The following TMEM259 variants were observed in gnomAD, a reference collection of about 807,000 sequenced individuals.
The protein encoded by TMEM259 is transmembrane protein 259.
A neutral mutation model predicts 46.7 loss-of-function variants in TMEM259; 26 were observed. The ratio of observed to expected loss-of-function variants is 0.56; its 90% CI spans 0.41 to 0.77. The LOEUF is 0.77. Ranked by LOEUF, TMEM259 falls within the 30% of genes least tolerant of loss-of-function variation. The pLI is 0.00. For synonymous variants in TMEM259, 494 were observed against 395.1 expected, an observed-to-expected ratio of 1.25 and a Z score of -2.97; for missense variants, 930 against 900.5, an observed-to-expected ratio of 1.03 and a Z score of -0.42.
Position 1,010,689 on chromosome 19 carries a change from C to T in TMEM259, c.1524G>A (p.Gly508=). Residue 508 remains glycine, a synonymous_variant, in exon 11 of 11, where the codon GGG becomes GGA. Coordinates refer to ENST00000356663, the MANE Select transcript of TMEM259 (RefSeq NM_001033026.2). ...QPPALGPVSP[G]ASGSPGPVAA... is the part of the protein sequence containing the mutation. Reference sequence around the variant, plus strand: ...CCACAGGCCCGGGACTCCCGCTGGCCCCAGGCGAGACGGGGCCCAGGGCGG... The same window carrying T: ...CCACAGGCCCGGGACTCCCGCTGGCTCCAGGCGAGACGGGGCCCAGGGCGG... 1 of 1,531,772 alleles carries T rather than the reference C, an allele frequency of 6.5e-7. No individual in the cohort carries two copies. The highest frequency in any genetic ancestry group is 8.7e-7 in the Non-Finnish European group (1 of 1,144,894). The allele number at this position is 1,531,772 out of a possible 1,614,324, so 94.9% of individuals were successfully genotyped here.
At chr19:1,018,542 A>G (rs2240167) in intron 1 of TMEM259, among the ~76,000 whole-genome samples, 108,786 of 152,154 alleles carry the variant, frequency 0.71, 39,841 homozygotes, top group African/African-American at 0.89. Context: ...GAAGCCAGGC[A>G]GGCAGGAAGC....
chr19:1,018,568 A>G (rs571973854), intron 1 of TMEM259, among the ~76,000 whole-genome samples: 23 of 152,330 alleles, frequency 1.5e-4, no homozygotes, highest in African/African-American at 5.5e-4. Context: ...AGCCTTCTGG[A>G]ACTCAAGGCA....
At chr19:1,014,167 G>A (rs2039030992) in intron 2 of TMEM259, 25 bp downstream of exon 2, 1 of 1,593,392 alleles carries the variant, frequency 6.3e-7, no homozygotes. Context: ...GGCCTCTGCT[G>A]CAGCTGAGCC....
chr19:1,010,791 G>T lies in TMEM259; in HGVS notation c.1422C>A (p.Thr474=), dbSNP rs1023696312. The change falls in exon 11 of 11, where the codon ACC becomes ACA. Residue 474 remains threonine, a synonymous_variant. Transcript: ENST00000356663. ...LLQAPPLGPG[T]PTALPDDMNN... is the part of the protein sequence containing the mutation. ...TCATGTCATCGGGCAGCGCCGTGGGGGTCCCGGGGCCCAGTGGCGGCGCCT... is the reference window on the plus strand; with the variant it reads ...TCATGTCATCGGGCAGCGCCGTGGGTGTCCCGGGGCCCAGTGGCGGCGCCT... The T allele has an allele frequency of 1.3e-6, 2 of 1,569,004 alleles. No homozygotes were observed. Among genetic ancestry groups the T allele is most frequent in the Non-Finnish European group, 1.7e-6 (2 of 1,166,354 alleles).
In TMEM259 at chr19:1,014,340, C is replaced by T; in HGVS notation, c.359G>A (p.Ser120Asn). The change falls in exon 2 of 11, where the codon AGC (serine) becomes AAC (asparagine). Residue 120 changes from serine to asparagine, a missense_variant. Ser to Asn is a conservative substitution (Grantham distance 46, BLOSUM62 1). Transcript: ENST00000356663. The stretch of plus-strand genomic sequence containing the variant: ...GAACTGTAGGAAGACGGGCGCGCGG[C>T]TCGAGTTGTGCCGCACTTCCACACG... ...ILRVEVRHNS[S>N]RAPVFLQFCD... The T allele has an allele frequency of 1.2e-6, 2 of 1,613,030 alleles. No individual in the cohort carries two copies. Among genetic ancestry groups the T allele is most frequent in the Non-Finnish European group, 1.7e-6 (2 of 1,179,938 alleles).
At position 1,015,315 on chromosome 19, in the gene TMEM259, G is replaced by T. The variant is rs573852276; in HGVS notation, c.226-842C>A. On this transcript the variant is annotated intron_variant, in intron 1 of 10. Coordinates refer to ENST00000356663, the MANE Select transcript of TMEM259 (RefSeq NM_001033026.2). ...GGACATCTGTGGTTGTCACAATTGG[G>T]GGAGCTCCTGGCATGGAGTGGGTGA... Among the ~76,000 whole-genome samples, 9 of 152,310 alleles carry T rather than the reference G, an allele frequency of 5.9e-5. 1 individual carries two copies. In the South Asian group the frequency reaches 1.9e-3, roughly 32 times the overall value.
chr19:1,011,278 C>T, intron 9 of TMEM259, 83 bp from the exon 10 acceptor site: 2 of 1,537,008 alleles, frequency 1.3e-6, no homozygotes. Flanking sequence ...GGCGCAGCCA[C>T]CACCCCCGCC....
At chr19:1,018,838 A>C (rs1032285135) in intron 1 of TMEM259, among the ~76,000 whole-genome samples, 1 of 152,166 alleles carries the variant, frequency 6.6e-6, no homozygotes, top group East Asian at 1.9e-4. Context: ...AGACAAAAAA[A>C]TTAGCCGGTT....
intron 9 of TMEM259, 22 bp from the exon 10 acceptor site, chr19:1,011,217 T>C (rs1367466905): frequency 3.8e-6 from 6 of 1,560,726 alleles, no homozygotes; most frequent in Non-Finnish European, 5.2e-6. Context: ...GGTGAGGGCG[T>C]CGGGGCTGCA....
At chr19:1,014,555 G>C (rs1300136242) in intron 1 of TMEM259, 82 bp from the exon 2 acceptor site, 2 of 1,437,248 alleles carry the variant, frequency 1.4e-6, no homozygotes, top group South Asian at 2.6e-5. Context: ...GGGGCGTGAT[G>C]GGGCGCGCTG....
rs2038868618 is a variant in TMEM259 at position 1,010,516 on chromosome 19, G to C, written c.1697C>G (p.Pro566Arg). Residue 566 changes from proline to arginine, a missense_variant, in exon 11 of 11, where the codon CCA becomes CGA. Physicochemically the swap from Pro to Arg is moderately radical, Grantham distance 103. Transcript: ENST00000356663. ...GLSASLLERRPASPLGPAGGL... is the reference protein window; with the variant it reads ...GLSASLLERRRASPLGPAGGL... Reference sequence around the variant, plus strand: ...CCCAGCAGGGCCCAGCGGGCTGGCTGGACGCCGCTCCAGGAGGGAGGCGCT... The same window carrying C: ...CCCAGCAGGGCCCAGCGGGCTGGCTCGACGCCGCTCCAGGAGGGAGGCGCT... 6.5e-7 allele frequency: 1 copy of C among 1,547,654 alleles called. No homozygotes were observed. The highest frequency in any genetic ancestry group is 8.7e-7 in the Non-Finnish European group (1 of 1,146,526).
Position 1,020,856 on chromosome 19 carries a change from CG to C in TMEM259, c.140del (p.Ala47GlyfsTer112). On this transcript the variant is annotated frameshift_variant, in exon 1 of 11. Transcript: ENST00000356663. LOFTEE classifies it high-confidence loss of function. The surrounding 1 kb of genome is among the most constrained non-coding windows in gnomAD (Gnocchi z 4.0). Reference sequence around the variant, plus strand: ...AGGTGACAGCCATCTTGAAGAACAGCGCGTGGAAGAGCCGGTCGCGCACGTT... The same window carrying C: ...AGGTGACAGCCATCTTGAAGAACAGCCGTGGAAGAGCCGGTCGCGCACGTT... ...LINVRDRLFH[A>X]LFFKMAVTYS... The C allele has an allele frequency of 7.4e-7, 1 of 1,359,362 alleles. No homozygotes were observed. Among genetic ancestry groups the C allele is most frequent in the Non-Finnish European group, 9.5e-7 (1 of 1,050,262 alleles). The allele number at this position is 1,359,362 out of a possible 1,614,324, so 84.2% of individuals were successfully genotyped here.
At position 1,010,412 on chromosome 19, in the gene TMEM259, C is replaced by T; in HGVS notation, c.1801G>A (p.Val601Ile). 1 of 1,519,630 alleles carries T rather than the reference C, an allele frequency of 6.6e-7. No homozygotes were observed. The highest frequency in any genetic ancestry group is 8.8e-7 in the Non-Finnish European group (1 of 1,137,710). The allele number at this position is 1,519,630 out of a possible 1,614,324, so 94.1% of individuals were successfully genotyped here. Residue 601 changes from valine (V) to isoleucine (I), a missense_variant, in exon 11 of 11, where the codon GTA (valine) becomes ATA (isoleucine). Val to Ile is a conservative substitution (Grantham distance 29). Coordinates refer to ENST00000356663, the MANE Select transcript of TMEM259 (RefSeq NM_001033026.2). Reference protein sequence around the residue: ...ASDTTPLGAAVGGPSPASMAP... With the variant: ...ASDTTPLGAAIGGPSPASMAP... ...ATGGAGGCCGGGCTAGGCCCGCCTA[C>T]CGCAGCCCCCAGGGGAGTTGTGTCA...
chr19:1,013,602 C>A, intron 2 of TMEM259: 1 of 453,146 alleles, frequency 2.2e-6, no homozygotes, highest in Non-Finnish European at 4.1e-6. Context: ...GCAGTAGACC[C>A]CATGGAAGGG....
At chr19:1,019,126 C>T (rs1044813570) in intron 1 of TMEM259, among the ~76,000 whole-genome samples, 69 of 152,330 alleles carry the variant, frequency 4.5e-4, no homozygotes, top group African/African-American at 1.6e-3. Flanking sequence ...CAGCTCTGGC[C>T]CAGCCCCATC....
In TMEM259 at chr19:1,020,421, C is replaced by A. The variant is rs1014371150; in HGVS notation, c.225+351G>T. Among the ~76,000 whole-genome samples the A allele has an allele frequency of 6.6e-6, 1 of 152,054 alleles. No homozygotes were observed. Among genetic ancestry groups the A allele is most frequent in the African/African-American group, 2.4e-5 (1 of 41,386 alleles). ...TCGCAGGCCAGGACCGGACTCCAAGCCTGGGTAGGTGGGGACCTGGGAAAG... is the reference window on the plus strand; with the variant it reads ...TCGCAGGCCAGGACCGGACTCCAAGACTGGGTAGGTGGGGACCTGGGAAAG... On this transcript the variant is annotated intron_variant, in intron 1 of 10. Coordinates refer to ENST00000356663, the MANE Select transcript of TMEM259 (RefSeq NM_001033026.2). The surrounding 1 kb of genome is among the most constrained non-coding windows in gnomAD (Gnocchi z 4.0).
Position 1,009,725 on chromosome 19 carries a change from C to T in TMEM259, c.*625G>A, listed in dbSNP as rs1011906734. The T allele has an allele frequency of 3.5e-6, 3 of 859,012 alleles. No homozygotes were observed. The highest frequency in any genetic ancestry group is 3.4e-5 in the East Asian group (1 of 29,644). 53.2% of individuals were successfully genotyped at this position (859,012 alleles called of 1,614,324 possible). A position where few individuals can be genotyped will look rare whatever the true frequency, so the allele number is the denominator to read the frequency against. ...CTGCAATTAAATAGAATGGAATGAG[C>T]GCTCCTCCGCATTCCTCCCCGAGTG... On this transcript the variant is annotated 3_prime_UTR_variant, in exon 11 of 11. Transcript: ENST00000356663.
rs1473372685 is a variant in TMEM259 at position 1,010,500 on chromosome 19, G to T, written c.1713C>A (p.Gly571=). The change falls in exon 11 of 11, where the codon GGC becomes GGA. Residue 571 remains glycine, a synonymous_variant. Coordinates refer to ENST00000356663, the MANE Select transcript of TMEM259 (RefSeq NM_001033026.2). ...GGGCGTGGGGGAGGCCCCCAGCAGG[G>T]CCCAGCGGGCTGGCTGGACGCCGCT... is the stretch of plus-strand genomic sequence containing the variant. ...LLERRPASPL[G]PAGGLPHAPQ... is the part of the protein sequence containing the mutation. 1 of 1,547,304 alleles carries T rather than the reference G, an allele frequency of 6.5e-7. No individual in the cohort carries two copies. Among genetic ancestry groups the T allele is most frequent in the East Asian group, 2.4e-5 (1 of 40,886 alleles).
At chr19:1,014,047 G>C (rs539173431) in intron 2 of TMEM259, 145 bp downstream of exon 2, 1 of 1,050,976 alleles carries the variant, frequency 9.5e-7, no homozygotes, top group Non-Finnish European at 1.4e-6. Context: ...AAAAGGCCAC[G>C]GCAGGCAGGG....
Sources: allele counts gnomAD v4.1 joint callset (sites outside exome capture counted in the v4.1 genomes callset), GRCh38; gene constraint gnomAD v4.1.1; non-coding constraint Gnocchi (gnomAD v3.1); transcripts MANE v1.5; gene names NCBI Gene and HGNC (gene_info 2026-07-23, HGNC 2026-07-21).